The following ABL2 variants were observed in gnomAD, a reference collection of about 807,000 sequenced individuals.
ABL2 encodes ABL proto-oncogene 2, non-receptor tyrosine kinase, also known as tyrosine-protein kinase ABL2.
ABL2 carries 49 observed loss-of-function variants against 107.7 expected under a neutral mutation model. The ratio of observed to expected loss-of-function variants is 0.45; its 90% confidence interval spans 0.36 to 0.58. The LOEUF (loss-of-function observed/expected upper bound fraction) is 0.58, where lower values mean the gene tolerates loss of function less well. Ranked by LOEUF, ABL2 falls within the 20% of genes least tolerant of loss-of-function variation. ABL2 has a pLI of 0.00. For synonymous variants in ABL2, 549 were observed against 548.6 expected (o/e 1.00, Z -0.01); for missense variants, 1,245 against 1,457.0 (o/e 0.85, Z 2.37).
intron 1 of ABL2, among the ~76,000 whole-genome samples, chr1:179,177,483 C>T (rs980337533): frequency 6.6e-6 from 1 of 152,230 alleles, no homozygotes; most frequent in African/African-American, 2.4e-5. Flanking sequence ...GAAGGGCAGT[C>T]AGTTGTTACT....
chr1:179,204,852 T>C (rs1661865759), intron 1 of ABL2, among the ~76,000 whole-genome samples: 1 of 152,106 alleles, frequency 6.6e-6, no homozygotes, highest in Non-Finnish European at 1.5e-5. Flanking sequence ...AGAAACCTCC[T>C]CTGAATCTGA....
chr1:179,190,235 T>C (rs778575345), intron 1 of ABL2, among the ~76,000 whole-genome samples: 1 of 152,156 alleles, frequency 6.6e-6, no homozygotes, highest in East Asian at 1.9e-4. Flanking sequence ...CATTTCTGAT[T>C]GATTGGCAAT....
At chr1:179,117,990 C>A (rs74843959) in intron 7 of ABL2, among the ~76,000 whole-genome samples, 11,073 of 151,010 alleles carry the variant, frequency 0.073, 474 homozygotes, top group Non-Finnish European at 0.09. Flanking sequence ...CAAAAAAAAA[C>A]CATAAAAAAA....
chr1:179,224,148 A>AC (rs1558010005), intron 1 of ABL2, among the ~76,000 whole-genome samples: 2 of 149,816 alleles, frequency 1.3e-5, no homozygotes, highest in Non-Finnish European at 1.5e-5. Flanking sequence ...AAAAAAAAAA[A>AC]AAAAAAAAAA....
At chr1:179,191,784 G>A (rs961867571) in intron 1 of ABL2, among the ~76,000 whole-genome samples, 2 of 151,948 alleles carry the variant, frequency 1.3e-5, no homozygotes, top group Admixed American at 6.6e-5. Flanking sequence ...ACTCTGTAAA[G>A]GTTTTTAAAA....
intron 1 of ABL2, among the ~76,000 whole-genome samples, chr1:179,218,798 T>C (rs1662720977): frequency 6.6e-6 from 1 of 152,240 alleles, no homozygotes; most frequent in African/African-American, 2.4e-5. Flanking sequence ...ATGCAAATTC[T>C]TGAGCTCCTC....
At chr1:179,217,076 A>G (rs1662603135) in intron 1 of ABL2, among the ~76,000 whole-genome samples, 1 of 151,138 alleles carries the variant, frequency 6.6e-6, no homozygotes, top group African/African-American at 2.4e-5. Flanking sequence ...CAGGCGGATC[A>G]CTTGAGGTCA....
chr1:179,180,560 G>A (rs922219467), intron 1 of ABL2, among the ~76,000 whole-genome samples: 3 of 152,178 alleles, frequency 2.0e-5, no homozygotes, highest in Admixed American at 1.3e-4. Flanking sequence ...AGTACCAGTA[G>A]CAGGTAGGAA....
At chr1:179,209,038 A>G (rs1217034260) in intron 1 of ABL2, among the ~76,000 whole-genome samples, 1 of 152,224 alleles carries the variant, frequency 6.6e-6, no homozygotes, top group Non-Finnish European at 1.5e-5. Context: ...GTGCTCTAAG[A>G]CTGGGTTCAG....
intron 1 of ABL2, among the ~76,000 whole-genome samples, chr1:179,192,698 G>C (rs1327357776): frequency 6.6e-6 from 1 of 152,126 alleles, no homozygotes; most frequent in African/African-American, 2.4e-5. Flanking sequence ...CAGAAAAACT[G>C]TACAATCACA....
At chr1:179,127,807 G>A (rs763444102) in intron 3 of ABL2, among the ~76,000 whole-genome samples, 12 of 151,902 alleles carry the variant, frequency 7.9e-5, no homozygotes, top group South Asian at 2.1e-4. Context: ...TGAGAGGGGC[G>A]GATCACCTAA....
chr1:179,136,842 G>T (rs1657067874), intron 1 of ABL2, among the ~76,000 whole-genome samples: 1 of 151,108 alleles, frequency 6.6e-6, no homozygotes, highest in Non-Finnish European at 1.5e-5. Flanking sequence ...CTTGAGTCTG[G>T]GAGGTGGAGG....
intron 4 of ABL2, among the ~76,000 whole-genome samples, chr1:179,123,710 G>C (rs777918569): frequency 2.0e-5 from 3 of 152,104 alleles, no homozygotes; most frequent in Non-Finnish European, 4.4e-5. Flanking sequence ...ACTCACTGCA[G>C]CCTTGACCTC....
At chr1:179,109,927 CAAA>C (rs11285150) in intron 11 of ABL2, among the ~76,000 whole-genome samples, 1 of 131,244 alleles carries the variant, frequency 7.6e-6, no homozygotes. Context: ...GACTCCGTCT[CAAA>C]AAAAAAAAAA....
At chr1:179,206,404 A>G (rs911843238) in intron 1 of ABL2, among the ~76,000 whole-genome samples, 7 of 152,054 alleles carry the variant, frequency 4.6e-5, no homozygotes, top group African/African-American at 1.7e-4. Flanking sequence ...AATGACACAT[A>G]TTAGGGTTTG....
chr1:179,156,533 G>C (rs1658699430), intron 1 of ABL2, among the ~76,000 whole-genome samples: 1 of 152,128 alleles, frequency 6.6e-6, no homozygotes, highest in Non-Finnish European at 1.5e-5. Flanking sequence ...AGACTATCAT[G>C]GAAGTTACAA....
chr1:179,162,868 C>A (rs1659154229), intron 1 of ABL2, among the ~76,000 whole-genome samples: 1 of 152,046 alleles, frequency 6.6e-6, no homozygotes, highest in African/African-American at 2.4e-5. Flanking sequence ...ATAGCAGAAC[C>A]CACATTTAAA....
intron 1 of ABL2, among the ~76,000 whole-genome samples, chr1:179,218,267 A>G (rs879474102): frequency 2.6e-5 from 4 of 152,350 alleles, no homozygotes; most frequent in South Asian, 2.1e-4. Context: ...AAAAAATGGT[A>G]TAAGACTGTG....
In ABL2 at chr1:179,107,179, T is replaced by G. The variant is rs1389677393; in HGVS notation, c.*539A>C. On this transcript the variant is annotated 3_prime_UTR_variant, in exon 12 of 12. Coordinates refer to ENST00000502732, the MANE Select transcript of ABL2 (RefSeq NM_007314.4). Reference sequence around the variant, plus strand: ...CCAGTTTTATGTTGTAGCACTCTGATTTGCAGTTCTTATTACAGCAGCAAT... The same window carrying G: ...CCAGTTTTATGTTGTAGCACTCTGAGTTGCAGTTCTTATTACAGCAGCAAT... The G allele has an allele frequency of 8.6e-6, 2 of 233,280 alleles. No homozygotes were observed. The highest frequency in any genetic ancestry group is 4.4e-5 in the African/African-American group (2 of 45,270). The allele number at this position is 233,280 out of a possible 1,614,324, so 14.5% of individuals were successfully genotyped here.
Sources: gnomAD v4.1 joint callset for allele counts (sites outside exome capture counted in the v4.1 genomes callset) on GRCh38, gnomAD v4.1.1 for gene constraint, MANE v1.5 for transcripts, NCBI Gene and HGNC (gene_info 2026-07-23, HGNC 2026-07-21) for gene names.